Variants in RBCK1 observed in about 807,000 individuals in gnomAD.
RBCK1 encodes ranBP-type and C3HC4-type zinc finger-containing protein 1.
RBCK1 carries 44 observed loss-of-function variants against 71.1 expected under a neutral mutation model. The ratio of observed to expected loss-of-function variants is 0.62; its 90% CI spans 0.49 to 0.80. The LOEUF is 0.80. Among genes scored for constraint, RBCK1 ranks in the 30% least tolerant of loss-of-function variants. The pLI, the probability that RBCK1 is intolerant of heterozygous loss-of-function variation, is 0.00. For synonymous variants in RBCK1, 306 were observed against 279.7 expected (o/e 1.09, Z -0.94); for missense variants, 569 against 685.0 (o/e 0.83, Z 1.89).
chr20:418,584 G>A (rs535964216), intron 4 of RBCK1, among the ~76,000 whole-genome samples: 6 of 151,384 alleles, frequency 4.0e-5, no homozygotes, highest in South Asian at 2.1e-4. Context: ...TAGCCAGGAT[G>A]GTCTCGATCT....
rs143762157 is a variant in RBCK1, at chr20:422,778, G to A, written c.1029+540G>A. ...AGCCTAGGAAGTAAGGTTGCAGTGA[G>A]CTGTGATTGTGCCACTGCACTCCAG... On this transcript the variant is annotated intron_variant, in intron 8 of 11. Transcript: ENST00000356286. This position sits in a 1 kb window ranked among gnomAD's most constrained non-coding sequence, Gnocchi z 5.0. Among the ~76,000 whole-genome samples, 2 of 152,234 alleles carry A rather than the reference G, an allele frequency of 1.3e-5. No homozygotes were observed. The highest frequency in any genetic ancestry group is 2.9e-5 in the Non-Finnish European group (2 of 68,014).
Position 419,660 on chromosome 20 carries a change from T to G in RBCK1, c.685T>G (p.Ser229Ala). 1 of 1,584,052 alleles carries G rather than the reference T, an allele frequency of 6.3e-7. No homozygotes were observed. Among genetic ancestry groups the G allele is most frequent in the Non-Finnish European group, 8.6e-7 (1 of 1,167,598 alleles). Reference sequence around the variant, plus strand: ...CCCCGAGGCCTACCAGGTCCCCGCCTCATACCAGCCCGACGAGGAGGAGCG... The same window carrying G: ...CCCCGAGGCCTACCAGGTCCCCGCCGCATACCAGCCCGACGAGGAGGAGCG... ...ARPEAYQVPASYQPDEEERAR... is the reference protein window; with the variant it reads ...ARPEAYQVPAAYQPDEEERAR... The change falls in exon 6 of 12, where the codon TCA becomes GCA. Residue 229 changes from serine to alanine, a missense_variant. Ser to Ala is a moderately conservative substitution (Grantham distance 99). This residue lies in a region of RBCK1 where 358 missense variants were observed against 375.6 expected (regional missense o/e 0.95). Coordinates refer to ENST00000356286, the MANE Select transcript of RBCK1 (RefSeq NM_031229.4).
Position 417,540 on chromosome 20 carries a change from T to G in RBCK1, c.182T>G (p.Val61Gly). Residue 61 changes from valine to glycine, a missense_variant, in exon 3 of 12, where the codon GTG becomes GGG. Coordinates refer to ENST00000356286, the MANE Select transcript of RBCK1 (RefSeq NM_031229.4). The surrounding 1 kb of genome is among the most constrained non-coding windows in gnomAD (Gnocchi z 4.7). ...PTQDIRLWVS[V>G]EDAQMHTVTI... is the part of the protein sequence containing the mutation. ...GTTCTCTGCAGGCTGTGGGTGAGCG[T>G]GGAGGATGCTCAGATGCACACCGTC... The G allele has an allele frequency of 1.2e-6, 2 of 1,613,462 alleles. No individual in the cohort carries two copies. The highest frequency in any genetic ancestry group is 1.7e-6 in the Non-Finnish European group (2 of 1,180,002).
chr20:419,632 G>A lies in RBCK1; in HGVS notation c.657G>A (p.Ala219=), dbSNP rs761915746. 3.8e-6 allele frequency: 6 copies of A among 1,588,906 alleles called. No homozygotes were observed. The Admixed American group carries it at 5.3e-5, about 14-fold the overall frequency. ...TRPGCEMCCR[A]RPEAYQVPAS... Reference sequence around the variant, plus strand: ...CTGGCTGTGAGATGTGCTGCCGGGCGCGCCCCGAGGCCTACCAGGTCCCCG... The same window carrying A: ...CTGGCTGTGAGATGTGCTGCCGGGCACGCCCCGAGGCCTACCAGGTCCCCG... The change falls in exon 6 of 12, where the codon GCG becomes GCA. Residue 219 remains alanine (A), a synonymous_variant. Transcript: ENST00000356286.
chr20:429,011 A>G lies in RBCK1; in HGVS notation c.1369A>G (p.Lys457Glu), dbSNP rs1342462180. ...CPQCQIVVQK[K>E]DGCDWIRCTV... ...CCAGTGCCAGATCGTGGTACAGAAG[A>G]AGGACGGCTGCGACTGGATCCGCTG... The change falls in exon 11 of 12, where the codon AAG (lysine) becomes GAG (glutamate). Residue 457 changes from lysine to glutamate, a missense_variant. By Grantham distance (56) the Lys-to-Glu change is moderately conservative. Around this residue, in one of 2 missense-constraint regions of RBCK1, gnomAD observed 211 missense variants for 309.4 expected, o/e 0.68. Coordinates refer to ENST00000356286, the MANE Select transcript of RBCK1 (RefSeq NM_031229.4). The G allele has an allele frequency of 3.7e-6, 6 of 1,612,266 alleles. No homozygotes were observed. The highest frequency in any genetic ancestry group is 1.3e-5 in the African/African-American group (1 of 74,982).
Position 417,583 on chromosome 20 carries a change from G to A in RBCK1, c.225G>A (p.Val75=). ...ACACCGTCACCATCTGGCTCACAGT[G>A]CGCCCTGATATGACAGTGGCGTCTC... The part of the protein sequence containing the change: ...QMHTVTIWLT[V]RPDMTVASLK... Residue 75 remains valine (V), a synonymous_variant, in exon 3 of 12, where the codon GTG becomes GTA. Transcript: ENST00000356286. This position sits in a 1 kb window ranked among gnomAD's most constrained non-coding sequence, Gnocchi z 4.7. 6.2e-7 allele frequency: 1 copy of A among 1,614,050 alleles called. No homozygotes were observed.
chr20:421,227 A>G (rs1183524507), intron 7 of RBCK1, among the ~76,000 whole-genome samples, 196 bp downstream of exon 7: 1 of 152,160 alleles, frequency 6.6e-6, no homozygotes, highest in Admixed American at 6.5e-5. Context: ...CCCCAGGCCC[A>G]CGGCTCATGA....
chr20:413,797 G>T (rs2015837124), intron 2 of RBCK1, among the ~76,000 whole-genome samples: 1 of 149,994 alleles, frequency 6.7e-6, no homozygotes, highest in Middle Eastern at 3.2e-3. Context: ...CCTGTTGTAT[G>T]TGTTATTGGT....
intron 2 of RBCK1, among the ~76,000 whole-genome samples, chr20:413,706 G>A (rs1161618423): frequency 6.6e-6 from 1 of 152,122 alleles, no homozygotes; most frequent in Admixed American, 6.6e-5. Context: ...CCTGAGTTTT[G>A]AGAGGCTCTG....
intron 8 of RBCK1, among the ~76,000 whole-genome samples, chr20:426,816 C>CTTTTTTTTTTT (rs768525416): frequency 1.8e-4 from 17 of 95,504 alleles, no homozygotes; most frequent in African/African-American, 3.2e-4. Flanking sequence ...TTTTCTTTTC[C>CTTTTTTTTTTT]TTTTTTTTTT....
intron 8 of RBCK1, among the ~76,000 whole-genome samples, chr20:424,373 C>T (rs75905519): frequency 0.038 from 5,833 of 151,846 alleles, 207 homozygotes; most frequent in East Asian, 0.14. Flanking sequence ...CAAAACATGG[C>T]AGCCGAGGCC....
intron 2 of RBCK1, among the ~76,000 whole-genome samples, chr20:412,161 G>T (rs1457577804): frequency 6.6e-6 from 1 of 152,084 alleles, no homozygotes; most frequent in African/African-American, 2.4e-5. Context: ...TTATCTTTTT[G>T]ATTATAGCCA....
chr20:410,849 G>T (rs1416948276), intron 2 of RBCK1: 7 of 307,014 alleles, frequency 2.3e-5, no homozygotes, highest in South Asian at 7.1e-5. Context: ...GGTCCCATTT[G>T]GTTTTTCTTA....
intron 8 of RBCK1, among the ~76,000 whole-genome samples, chr20:425,655 C>G (rs1246389206): frequency 7.8e-6 from 1 of 128,376 alleles, no homozygotes; most frequent in African/African-American, 3.1e-5. Flanking sequence ...GAGACGAAGT[C>G]TCACTCTGTT....
In RBCK1 at chr20:417,253, G is replaced by A. The variant is rs1324478616; in HGVS notation, c.168-273G>A. 1.5e-6 allele frequency: 1 copy of A among 652,768 alleles called. No homozygotes were observed. Among genetic ancestry groups the A allele is most frequent in the Admixed American group, 2.0e-5 (1 of 50,846 alleles). The allele number at this position is 652,768 out of a possible 1,614,324, so 40.4% of individuals were successfully genotyped here. On this transcript the variant is annotated intron_variant, in intron 2 of 11. Transcript: ENST00000356286. This position sits in a 1 kb window ranked among gnomAD's most constrained non-coding sequence, Gnocchi z 4.7. ...GAGAGAAGACAGAAGAGGTTGGAGA[G>A]GTCAGGGAGGTGCCAGATCATGGAG...
At chr20:414,736 C>T (rs2015893587) in intron 2 of RBCK1, among the ~76,000 whole-genome samples, 1 of 152,198 alleles carries the variant, frequency 6.6e-6, no homozygotes, top group Admixed American at 6.5e-5. Context: ...TATAGAATAA[C>T]TAGTGCAGTT....
rs745494014 is a variant in RBCK1, at chr20:417,282, C to G, written c.168-244C>G. On this transcript the variant is annotated intron_variant, in intron 2 of 11. Coordinates refer to ENST00000356286, the MANE Select transcript of RBCK1 (RefSeq NM_031229.4). This position sits in a 1 kb window ranked among gnomAD's most constrained non-coding sequence, Gnocchi z 4.7. ...AGGGAGGTGCCAGATCATGGAGGCC[C>G]TCGTGTGCTGCCACGAGTTGATTCT... 4 of 694,730 alleles carry G rather than the reference C, an allele frequency of 5.8e-6. No individual in the cohort carries two copies. In the Admixed American group the frequency reaches 7.5e-5, roughly 13 times the overall value. 43.0% of individuals were successfully genotyped at this position (694,730 alleles called of 1,614,324 possible).
In RBCK1 at chr20:419,796, G is replaced by A. The variant is rs2122248456; in HGVS notation, c.756+65G>A. 5 of 1,495,294 alleles carry A rather than the reference G, an allele frequency of 3.3e-6. No individual in the cohort carries two copies. In the South Asian group the frequency reaches 3.8e-5, roughly 11 times the overall value. The allele number at this position is 1,495,294 out of a possible 1,614,324, so 92.6% of individuals were successfully genotyped here. The stretch of plus-strand genomic sequence containing the variant: ...ACGGGGGAGGTGTAGGCCAGGAAGG[G>A]AGACACCTGCGCACTGCCGCGCCTC... On this transcript the variant is annotated intron_variant, in intron 6 of 11. Transcript: ENST00000356286.
Position 430,283 on chromosome 20 carries a change from A to AGC in RBCK1, c.1453-64_1453-63dup. ...CAGAGGCAAAGGCCCGGGGTGGGAG[A>AGC]GCGCTCGGCTGTGGGGGCAGTCTCT... On this transcript the variant is annotated intron_variant, in intron 11 of 11. Transcript: ENST00000356286. The surrounding 1 kb of genome is among the most constrained non-coding windows in gnomAD (Gnocchi z 5.6). The AGC allele has an allele frequency of 1.4e-6, 2 of 1,404,656 alleles. No homozygotes were observed. The highest frequency in any genetic ancestry group is 2.0e-6 in the Non-Finnish European group (2 of 996,328). 87.0% of individuals were successfully genotyped at this position (1,404,656 alleles called of 1,614,324 possible).
Sources: allele counts gnomAD v4.1 joint callset (sites outside exome capture counted in the v4.1 genomes callset), GRCh38; gene constraint gnomAD v4.1.1; regional missense constraint gnomAD v4.1.1; non-coding constraint Gnocchi (gnomAD v3.1); transcripts MANE v1.5; gene names NCBI Gene and HGNC (gene_info 2026-07-23, HGNC 2026-07-21).